PCDHGB7: variants seen among roughly 807,000 people sequenced by gnomAD.
The protein encoded by PCDHGB7 is protocadherin gamma-B7.
Under a neutral mutation model 61.4 loss-of-function variants are expected in PCDHGB7, and 37 were observed. The observed-to-expected ratio is 0.60, with a 90% CI of 0.46 to 0.79. PCDHGB7 has a LOEUF of 0.79. Ranked by LOEUF, PCDHGB7 falls within the 30% of genes least tolerant of loss-of-function variation. The probability of loss-of-function intolerance (pLI) is 0.00; values close to 1 mark genes in which losing one functional copy is unlikely to be tolerated. For missense variants in PCDHGB7, 1,166 were observed against 1,202.5 expected (o/e 0.97, Z 0.45); for synonymous variants, 464 against 503.5 (o/e 0.92, Z 1.05).
intron 1 of PCDHGB7, among the ~76,000 whole-genome samples, chr5:141,468,088 G>T (rs186503104): frequency 6.6e-6 from 1 of 152,186 alleles, no homozygotes; most frequent in East Asian, 1.9e-4. Context: ...ACTTTGGGAG[G>T]TTGAGGCAGG....
intron 1 of PCDHGB7, among the ~76,000 whole-genome samples, chr5:141,452,356 C>G (rs1008914676): frequency 6.6e-6 from 1 of 152,148 alleles, no homozygotes; most frequent in African/African-American, 2.4e-5. Flanking sequence ...ATCCAAAAGC[C>G]TTGCTTCATT....
At chr5:141,458,201 TAGTTTAAAATA>T (rs1175017515) in intron 1 of PCDHGB7, among the ~76,000 whole-genome samples, 1 of 152,168 alleles carries the variant, frequency 6.6e-6, no homozygotes, top group Non-Finnish European at 1.5e-5. Context: ...AGGCCATAAA[TAGTTTAAAATA>T]AGTTTCCTTT....
At chr5:141,502,216 A>G (rs957759583) in intron 2 of PCDHGB7, among the ~76,000 whole-genome samples, 3 of 152,334 alleles carry the variant, frequency 2.0e-5, no homozygotes, top group Admixed American at 6.5e-5. Context: ...GCAGATTTTC[A>G]TAAATGTTCT....
Position 141,490,398 on chromosome 5 carries a change from C to A in PCDHGB7, c.2416-4409C>A. 1 of 1,614,168 alleles carries A rather than the reference C, an allele frequency of 6.2e-7. No homozygotes were observed. Among genetic ancestry groups the A allele is most frequent in the South Asian group, 1.1e-5 (1 of 91,088 alleles). On this transcript the variant is annotated intron_variant, in intron 1 of 3. Coordinates refer to ENST00000398594, the MANE Select transcript of PCDHGB7 (RefSeq NM_018927.4). This position sits in a 1 kb window ranked among gnomAD's most constrained non-coding sequence, Gnocchi z 5.4. ...ACTCAGGTAGAAATGGTGAAGTGAG[C>A]CTTGATATCTCTCCGGACCTGCCAT...
At chr5:141,448,662 C>T (rs1242351797) in intron 1 of PCDHGB7, among the ~76,000 whole-genome samples, 1 of 151,980 alleles carries the variant, frequency 6.6e-6, no homozygotes, top group Non-Finnish European at 1.5e-5. Flanking sequence ...CCATATTGGC[C>T]GGGCGCGGTG....
intron 1 of PCDHGB7, among the ~76,000 whole-genome samples, chr5:141,460,992 T>C (rs2099006034): frequency 6.6e-6 from 1 of 151,316 alleles, no homozygotes; most frequent in South Asian, 2.1e-4. Context: ...TGTATATATA[T>C]ATATGTGTAT....
intron 1 of PCDHGB7, among the ~76,000 whole-genome samples, chr5:141,459,334 A>G (rs987526492): frequency 5.9e-5 from 9 of 152,116 alleles, no homozygotes; most frequent in Admixed American, 1.3e-4. Flanking sequence ...TTTTACTCCA[A>G]AGTTCTTGAA....
rs1369501221 is a variant in PCDHGB7 at position 141,493,257 on chromosome 5, A to G, written c.2416-1550A>G. On this transcript the variant is annotated intron_variant, in intron 1 of 3. Coordinates refer to ENST00000398594, the MANE Select transcript of PCDHGB7 (RefSeq NM_018927.4). The surrounding 1 kb of genome is among the most constrained non-coding windows in gnomAD (Gnocchi z 4.3). ...GGCTAGGTACTAACATGCCTCTCTT[A>G]TAACAGCTTCACAGAGGTCAAGTGA... Among the ~76,000 whole-genome samples the G allele has an allele frequency of 6.6e-6, 1 of 152,190 alleles. No individual in the cohort carries two copies. Among genetic ancestry groups the G allele is most frequent in the South Asian group, 2.1e-4 (1 of 4,830 alleles).
intron 1 of PCDHGB7, chr5:141,421,700 C>G: frequency 6.2e-7 from 1 of 1,613,900 alleles, no homozygotes; most frequent in Non-Finnish European, 8.5e-7. Context: ...CTTCCTAATG[C>G]TAGGGATCCA....
chr5:141,443,457 G>C (rs977253701), intron 1 of PCDHGB7, among the ~76,000 whole-genome samples: 12 of 152,194 alleles, frequency 7.9e-5, no homozygotes, highest in Non-Finnish European at 1.3e-4. Flanking sequence ...CTGTACTCCA[G>C]TCTGGGTGAC....
intron 1 of PCDHGB7, chr5:141,422,845 G>A: frequency 6.2e-7 from 1 of 1,614,230 alleles, no homozygotes; most frequent in Non-Finnish European, 8.5e-7. Context: ...TGACAGCGGG[G>A]ACCCGCCCCT....
chr5:141,437,223 C>G (rs555637738), intron 1 of PCDHGB7, among the ~76,000 whole-genome samples: 1 of 152,198 alleles, frequency 6.6e-6, no homozygotes, highest in Admixed American at 6.5e-5. Context: ...TGATTCCAGT[C>G]ATAAAATTAT....
At chr5:141,422,847 C>T (rs1271794821) in intron 1 of PCDHGB7, 2 of 1,614,116 alleles carry the variant, frequency 1.2e-6, no homozygotes, top group Non-Finnish European at 1.7e-6. Context: ...ACAGCGGGGA[C>T]CCGCCCCTCA....
intron 1 of PCDHGB7, among the ~76,000 whole-genome samples, chr5:141,458,821 C>T (rs1220034390): frequency 6.6e-6 from 1 of 152,146 alleles, no homozygotes; most frequent in Non-Finnish European, 1.5e-5. Flanking sequence ...CAACCTCTGC[C>T]TCCCAGGCTC....
Position 141,486,563 on chromosome 5 carries a change from G to T in PCDHGB7, c.2416-8244G>T, listed in dbSNP as rs558244990. Reference sequence around the variant, plus strand: ...CTTTCAGAGGTCACATGAGGTGTTTGTTCCTGAGAACAATCGCCCAGGGGA... The same window carrying T: ...CTTTCAGAGGTCACATGAGGTGTTTTTTCCTGAGAACAATCGCCCAGGGGA... On this transcript the variant is annotated intron_variant, in intron 1 of 3. Transcript: ENST00000398594. The surrounding 1 kb of genome is among the most constrained non-coding windows in gnomAD (Gnocchi z 5.0). The T allele has an allele frequency of 4.3e-6, 7 of 1,614,006 alleles. No individual in the cohort carries two copies. The highest frequency in any genetic ancestry group is 4.0e-5 in the African/African-American group (3 of 75,054).
Position 141,477,413 on chromosome 5 carries a change from G to A in PCDHGB7, c.2416-17394G>A. ...CCTCAGCATCACCGCCCGAGACGCC[G>A]GAACCCCTTCCCTCTCAGCCCTTAC... On this transcript the variant is annotated intron_variant, in intron 1 of 3. Transcript: ENST00000398594. This position sits in a 1 kb window ranked among gnomAD's most constrained non-coding sequence, Gnocchi z 4.9. 1 of 1,614,080 alleles carries A rather than the reference G, an allele frequency of 6.2e-7. No individual in the cohort carries two copies. Among genetic ancestry groups the A allele is most frequent in the Non-Finnish European group, 8.5e-7 (1 of 1,180,026 alleles).
chr5:141,472,263 C>T (rs978647191), intron 1 of PCDHGB7, among the ~76,000 whole-genome samples: 7 of 152,144 alleles, frequency 4.6e-5, no homozygotes, highest in South Asian at 2.1e-4. Flanking sequence ...ATATTATAGC[C>T]GGGCACAGTG....
In PCDHGB7 at chr5:141,485,066, G is replaced by A. The variant is rs907517904; in HGVS notation, c.2416-9741G>A. On this transcript the variant is annotated intron_variant, in intron 1 of 3. Coordinates refer to ENST00000398594, the MANE Select transcript of PCDHGB7 (RefSeq NM_018927.4). This position sits in a 1 kb window ranked among gnomAD's most constrained non-coding sequence, Gnocchi z 5.7. Reference sequence around the variant, plus strand: ...GCGGCGCCGGCCGAACCGCGCCAGAGCTGGCGCGGGGAAAGGGAGATAGGT... The same window carrying A: ...GCGGCGCCGGCCGAACCGCGCCAGAACTGGCGCGGGGAAAGGGAGATAGGT... 1 of 885,622 alleles carries A rather than the reference G, an allele frequency of 1.1e-6. No individual in the cohort carries two copies. Among genetic ancestry groups the A allele is most frequent in the Non-Finnish European group, 1.8e-6 (1 of 559,820 alleles). 54.9% of individuals were successfully genotyped at this position (885,622 alleles called of 1,614,324 possible).
At position 141,432,459 on chromosome 5, in the gene PCDHGB7, T is replaced by A. The variant is rs1230209932; in HGVS notation, c.2415+12185T>A. The A allele has an allele frequency of 1.2e-6, 2 of 1,613,984 alleles. No homozygotes were observed. Among genetic ancestry groups the A allele is most frequent in the South Asian group, 1.1e-5 (1 of 91,082 alleles). ...GCGCCCGAGATCCTGTACCCCGCCCTCCCCACGGACGGTTCCACTGGCGTG... is the reference window on the plus strand; with the variant it reads ...GCGCCCGAGATCCTGTACCCCGCCCACCCCACGGACGGTTCCACTGGCGTG... On this transcript the variant is annotated intron_variant, in intron 1 of 3. Transcript: ENST00000398594. The surrounding 1 kb of genome is among the most constrained non-coding windows in gnomAD (Gnocchi z 6.0).
Sources: gnomAD v4.1 joint callset for allele counts (sites outside exome capture counted in the v4.1 genomes callset) on GRCh38, gnomAD v4.1.1 for gene constraint, Gnocchi (gnomAD v3.1) non-coding constraint, MANE v1.5 for transcripts, NCBI Gene and HGNC (gene_info 2026-07-23, HGNC 2026-07-21) for gene names.